The following EPB41L4B variants were observed in gnomAD, a reference collection of about 807,000 sequenced individuals.
The protein encoded by EPB41L4B is band 4.1-like protein 4B.
A neutral mutation model predicts 112.5 loss-of-function variants in EPB41L4B; 30 were observed. The ratio of observed to expected loss-of-function variants is 0.27; its 90% CI spans 0.20 to 0.36. The LOEUF is 0.36. Among genes scored for constraint, EPB41L4B ranks in the 10% least tolerant of loss-of-function variants. The pLI is 1.00. For missense variants in EPB41L4B, 1,024 were observed against 1,133.3 expected (o/e 0.90, Z 1.38); for synonymous variants, 408 against 439.7 (o/e 0.93, Z 0.90).
At chr9:109,219,731 A>G (rs10979756) in intron 15 of EPB41L4B, among the ~76,000 whole-genome samples, 49,242 of 152,222 alleles carry the variant, frequency 0.32, 9,710 homozygotes, top group Non-Finnish European at 0.43. Context: ...TTAATAACAT[A>G]TACTAAAACA....
intron 2 of EPB41L4B, among the ~76,000 whole-genome samples, chr9:109,272,048 A>C (rs1282339486): frequency 6.6e-6 from 1 of 152,216 alleles, no homozygotes; most frequent in East Asian, 1.9e-4. Flanking sequence ...GCAGCTCAGG[A>C]GTTGAAGAGC....
chr9:109,268,108 A>AT (rs1835471523), intron 3 of EPB41L4B, among the ~76,000 whole-genome samples: 1 of 152,226 alleles, frequency 6.6e-6, no homozygotes, highest in African/African-American at 2.4e-5. Context: ...AATAGGTATA[A>AT]AGCTGAGTTT....
intron 1 of EPB41L4B, among the ~76,000 whole-genome samples, chr9:109,282,370 T>C (rs1836099558): frequency 6.6e-6 from 1 of 152,256 alleles, no homozygotes; most frequent in Non-Finnish European, 1.5e-5. Flanking sequence ...TGCTGGATTG[T>C]ACATTTTGGA....
Position 109,256,401 on chromosome 9 carries a change from C to T in EPB41L4B, c.832G>A (p.Val278Ile), listed in dbSNP as rs372905406. The T allele has an allele frequency of 2.0e-5, 33 of 1,613,980 alleles. No homozygotes were observed. The highest frequency in any genetic ancestry group is 2.6e-5 in the Non-Finnish European group (31 of 1,179,984). Reference sequence around the variant, plus strand: ...ACGCACACAGTTCTTACCCTGACAACGTGCATGTCTACCCCATACATTTCC... The same window carrying T: ...ACGCACACAGTTCTTACCCTGACAATGTGCATGTCTACCCCATACATTTCC... Reference protein sequence around the residue: ...WLEMYGVDMHVVRGRDGCEYS... With the variant: ...WLEMYGVDMHIVRGRDGCEYS... Residue 278 changes from valine to isoleucine, a missense_variant, in exon 8 of 26, where the codon GTT becomes ATT. Coordinates refer to ENST00000374566, the MANE Select transcript of EPB41L4B (RefSeq NM_019114.5).
chr9:109,185,523 C>T lies in EPB41L4B; in HGVS notation c.2384G>A (p.Gly795Glu), dbSNP rs779459216. The change falls in exon 23 of 26, where the codon GGA (glycine) becomes GAA (glutamate). Residue 795 changes from glycine to glutamate, a missense_variant. By Grantham distance (98) the Gly-to-Glu change is moderately conservative. Coordinates refer to ENST00000374566, the MANE Select transcript of EPB41L4B (RefSeq NM_019114.5). ...LSLPMKEETT[G>E]VCMYPPIKTR... is the part of the protein sequence containing the mutation. ...TTTGATTGGAGGGTACATGCAAACTCCAGTGGTCTCTTCCTTCATGGGGAG... is the reference window on the plus strand; with the variant it reads ...TTTGATTGGAGGGTACATGCAAACTTCAGTGGTCTCTTCCTTCATGGGGAG... 4.3e-6 allele frequency: 7 copies of T among 1,613,694 alleles called. No homozygotes were observed. Among genetic ancestry groups the T allele is most frequent in the South Asian group, 3.3e-5 (3 of 91,074 alleles).
intron 2 of EPB41L4B, among the ~76,000 whole-genome samples, chr9:109,271,594 A>G (rs1176387736): frequency 1.3e-5 from 2 of 152,194 alleles, no homozygotes; most frequent in Non-Finnish European, 2.9e-5. Flanking sequence ...AAAGCCCAAC[A>G]TGGCATTTAG....
At chr9:109,215,499 C>T (rs981161344) in intron 16 of EPB41L4B, among the ~76,000 whole-genome samples, 5 of 152,036 alleles carry the variant, frequency 3.3e-5, no homozygotes, top group South Asian at 2.1e-4. Context: ...AGGTTGGTCT[C>T]GAACTCTTGA....
rs774307171 is a variant in EPB41L4B at position 109,255,770 on chromosome 9, C to T, written c.999+4G>A. ...AAGGGGGAAGAAATGGGAGCCAGGCCTACCTGATCATCATCCTCGACCACC... is the reference window on the plus strand; with the variant it reads ...AAGGGGGAAGAAATGGGAGCCAGGCTTACCTGATCATCATCCTCGACCACC... On this transcript the variant is annotated splice_donor_region_variant and intron_variant, in intron 10 of 25. Transcript: ENST00000374566. 36 of 1,613,618 alleles carry T rather than the reference C, an allele frequency of 2.2e-5. No homozygotes were observed. Among genetic ancestry groups the T allele is most frequent in the Admixed American group, 6.7e-5 (4 of 59,942 alleles).
At position 109,288,649 on chromosome 9, in the gene EPB41L4B, A is replaced by G. The variant is rs1183798558; in HGVS notation, c.307-8728T>C. On this transcript the variant is annotated intron_variant, in intron 1 of 25. Coordinates refer to ENST00000374566, the MANE Select transcript of EPB41L4B (RefSeq NM_019114.5). ...GAGGCAGGAGAATGGAGTGAACCCA[A>G]AAGGCGGAGCTTGCAGTGAGCCGAG... is the stretch of plus-strand genomic sequence containing the variant. Among the ~76,000 whole-genome samples the G allele has an allele frequency of 3.6e-5, 5 of 140,800 alleles. 1 individual carries two copies. Among genetic ancestry groups the G allele is most frequent in the African/African-American group, 1.3e-4 (5 of 38,152 alleles). The allele number at this position is 140,800 out of a possible 152,430, so 92.4% of individuals were successfully genotyped here.
rs1834959659 is a variant in EPB41L4B at position 109,255,786 on chromosome 9, C to T, written c.987G>A (p.Glu329=). The change falls in exon 10 of 26, where the codon GAG becomes GAA. Residue 329 remains glutamate, a synonymous_variant. Transcript: ENST00000374566. ...GAGCCAGGCCTACCTGATCATCATC[C>T]TCGACCACCACGAGTGTCAATTTGC... is the stretch of plus-strand genomic sequence containing the variant. ...KKSKLTLVVV[E]DDDQGREQEH... The T allele has an allele frequency of 2.5e-6, 4 of 1,613,780 alleles. No homozygotes were observed. The highest frequency in any genetic ancestry group is 1.7e-5 in the Admixed American group (1 of 59,956).
chr9:109,286,424 G>C (rs947546724), intron 1 of EPB41L4B, among the ~76,000 whole-genome samples: 8 of 152,152 alleles, frequency 5.3e-5, no homozygotes, highest in African/African-American at 1.9e-4. Flanking sequence ...CCATGAACAA[G>C]CACCTAGGGA....
chr9:109,175,818 C>G (rs1299905895), intron 25 of EPB41L4B, among the ~76,000 whole-genome samples: 3 of 152,200 alleles, frequency 2.0e-5, no homozygotes, highest in African/African-American at 7.2e-5. Flanking sequence ...TCACTCTGCT[C>G]TGGCCACGCT....
chr9:109,213,901 C>T (rs1394780554), intron 16 of EPB41L4B, 83 bp from the exon 17 acceptor site: 13 of 1,225,496 alleles, frequency 1.1e-5, no homozygotes, highest in South Asian at 2.5e-5. Context: ...TGCCAGCGCC[C>T]GATTCCCAGC....
chr9:109,215,634 C>T (rs1047888452), intron 16 of EPB41L4B, among the ~76,000 whole-genome samples: 1 of 152,144 alleles, frequency 6.6e-6, no homozygotes, highest in Admixed American at 6.5e-5. Flanking sequence ...ATTATAGGCA[C>T]GTACCACTGC....
At position 109,241,759 on chromosome 9, in the gene EPB41L4B, T is replaced by C. The variant is rs775192179; in HGVS notation, c.1409+1859A>G. 6 of 1,614,168 alleles carry C rather than the reference T, an allele frequency of 3.7e-6. No homozygotes were observed. In the South Asian group the frequency reaches 6.6e-5, roughly 18 times the overall value. ...GTGGACATAATCAAAATGGCTGTCATCTCCACTGGCCGATGCTTTCCAATG... is the reference window on the plus strand; with the variant it reads ...GTGGACATAATCAAAATGGCTGTCACCTCCACTGGCCGATGCTTTCCAATG... On this transcript the variant is annotated intron_variant, in intron 15 of 25. Transcript: ENST00000374566.
chr9:109,254,186 C>G (rs191466445), intron 11 of EPB41L4B, among the ~76,000 whole-genome samples: 1 of 152,216 alleles, frequency 6.6e-6, no homozygotes, highest in East Asian at 1.9e-4. Flanking sequence ...CAGAAAGGAA[C>G]ATGGTCTGGG....
At chr9:109,318,903 A>G (rs1588247494) in intron 1 of EPB41L4B, among the ~76,000 whole-genome samples, 1 of 152,204 alleles carries the variant, frequency 6.6e-6, no homozygotes, top group Non-Finnish European at 1.5e-5. Flanking sequence ...GGGAAGCGTT[A>G]AACTCCAAGC....
intron 15 of EPB41L4B, among the ~76,000 whole-genome samples, chr9:109,218,894 T>G (rs954031635): frequency 6.6e-5 from 10 of 152,192 alleles, no homozygotes; most frequent in African/African-American, 2.4e-4. Flanking sequence ...TACTGCCCAC[T>G]CTTTCACTCT....
chr9:109,239,396 A>C (rs1293868662), intron 15 of EPB41L4B, among the ~76,000 whole-genome samples: 1 of 152,180 alleles, frequency 6.6e-6, no homozygotes, highest in East Asian at 1.9e-4. Context: ...CAGGATACCC[A>C]AGTTGAAATG....
Sources: allele counts gnomAD v4.1 joint callset (sites outside exome capture counted in the v4.1 genomes callset), GRCh38; gene constraint gnomAD v4.1.1; transcripts MANE v1.5; gene names NCBI Gene and HGNC (gene_info 2026-07-23, HGNC 2026-07-21).